MYH3: variants seen among roughly 807,000 people sequenced by gnomAD.
The protein encoded by MYH3 is myosin-3.
A neutral mutation model predicts 238.0 loss-of-function variants in MYH3; 130 were observed. That is an observed-to-expected ratio of 0.55 (90% CI 0.47 to 0.63). The LOEUF (loss-of-function observed/expected upper bound fraction) is 0.63, where lower values mean the gene tolerates loss of function less well. MYH3 is among the 30% of genes least tolerant of loss of function. The pLI, the probability that MYH3 is intolerant of heterozygous loss-of-function variation, is 0.00. For missense variants in MYH3, 1,853 were observed against 2,374.9 expected (o/e 0.78, Z 4.57); for synonymous variants, 880 against 924.1 (o/e 0.95, Z 0.86).
chr17:10,655,163 T>C, intron 2 of MYH3, 91 bp from the exon 3 acceptor site: 1 of 1,047,860 alleles, frequency 9.5e-7, no homozygotes, highest in Non-Finnish European at 1.5e-6. Flanking sequence ...CCTGCCCTCC[T>C]TCAGCCGCAG....
the MYH3 span, among the ~76,000 whole-genome samples, chr17:10,671,701 T>TC: frequency 6.7e-6 from 1 of 149,690 alleles, no homozygotes; most frequent in East Asian, 2.1e-4. Context: ...TGCCTCAGCC[T>TC]CCTGAGTAGC....
In MYH3 at chr17:10,648,665, G is replaced by A. The variant is rs376309029; in HGVS notation, c.643-16C>T. The A allele has an allele frequency of 1.9e-6, 3 of 1,586,562 alleles. No individual in the cohort carries two copies. Among genetic ancestry groups the A allele is most frequent in the African/African-American group, 2.7e-5 (2 of 73,182 alleles). ...CCAGAGTCCCCTAATGCAAGAAATT[G>A]AGGGAAGAAGAGGAAACATTTTTTT... On this transcript the variant is annotated splice_polypyrimidine_tract_variant and intron_variant, in intron 7 of 40. Transcript: ENST00000583535.
the MYH3 span, chr17:10,678,374 C>T: frequency 6.6e-6 from 1 of 152,202 alleles, no homozygotes; most frequent in Non-Finnish European, 1.5e-5. Flanking sequence ...CCCTTCCCCA[C>T]TTCTAACATT....
Position 10,647,625 on chromosome 17 carries a change from AC to A in MYH3, c.736-200del, listed in dbSNP as rs1476056572. Reference sequence around the variant, plus strand: ...AGTGGCGTGATCTCGGCTCACTGCAACCTCTGCCTCCCGGGTTCAAGTGATT... The same window carrying A: ...AGTGGCGTGATCTCGGCTCACTGCAACTCTGCCTCCCGGGTTCAAGTGATT... On this transcript the variant is annotated intron_variant, in intron 8 of 40. Transcript: ENST00000583535. Among the ~76,000 whole-genome samples the A allele has an allele frequency of 3.3e-5, 5 of 152,104 alleles. No individual in the cohort carries two copies. In the South Asian group the frequency reaches 8.3e-4, roughly 25 times the overall value.
chr17:10,642,554 G>A lies in MYH3; in HGVS notation c.1751C>T (p.Ala584Val). The change falls in exon 16 of 41, where the codon GCG becomes GTG. Residue 584 changes from alanine (A) to valine (V), a missense_variant. By Grantham distance (64) the Ala-to-Val change is moderately conservative. This residue lies in a region of MYH3 where 678 missense variants were observed against 1,058.9 expected (regional missense o/e 0.64). Transcript: ENST00000583535. The surrounding 1 kb of genome is among the most constrained non-coding windows in gnomAD (Gnocchi z 5.4). ...TGAGACACTGTAGTCCACGGTGCCC[G>A]CATAGTGGATCAGTGAGAAGTGAGC... The part of the protein sequence containing the change: ...AEAHFSLIHY[A>V]GTVDYSVSGW... 1.2e-6 allele frequency: 2 copies of A among 1,614,184 alleles called. No individual in the cohort carries two copies. The highest frequency in any genetic ancestry group is 1.7e-6 in the Non-Finnish European group (2 of 1,180,038).
At chr17:10,637,439 G>C (rs2074226036) in intron 28 of MYH3, among the ~76,000 whole-genome samples, 1 of 152,144 alleles carries the variant, frequency 6.6e-6, no homozygotes, top group Admixed American at 6.5e-5. Context: ...CTTGGACGCA[G>C]ACAATGAATA....
upstream of MYH3, among the ~76,000 whole-genome samples, chr17:10,660,073 C>G (rs1485997356): frequency 6.6e-6 from 1 of 152,210 alleles, no homozygotes; most frequent in Non-Finnish European, 1.5e-5. Flanking sequence ...CCGGCTTGCC[C>G]GCTTGCACAC....
chr17:10,673,345 T>C, the MYH3 span: 2 of 130,622 alleles, frequency 1.5e-5, no homozygotes, highest in East Asian at 4.7e-4. Context: ...TATTCCGCAA[T>C]GTTGACGTCG....
At chr17:10,632,875 G>A in intron 33 of MYH3, 91 bp from the exon 34 acceptor site, 2 of 1,316,116 alleles carry the variant, frequency 1.5e-6, no homozygotes, top group Non-Finnish European at 2.2e-6. Context: ...CAATGGAATA[G>A]TCCTAAATCT....
intron 40 of MYH3, 98 bp downstream of exon 40, chr17:10,629,499 A>T: frequency 6.6e-7 from 1 of 1,506,222 alleles, no homozygotes; most frequent in Non-Finnish European, 9.1e-7. Flanking sequence ...TGAGCCTGAG[A>T]CTCCCCAGCT....
At chr17:10,650,291 A>T in intron 6 of MYH3, 83 bp downstream of exon 6, 1 of 1,423,034 alleles carries the variant, frequency 7.0e-7, no homozygotes, top group Non-Finnish European at 9.9e-7. Context: ...TTTTTATTAT[A>T]GACTCTGCTC....
At chr17:10,648,710 T>A in intron 7 of MYH3, 61 bp from the exon 8 acceptor site, 1 of 1,425,758 alleles carries the variant, frequency 7.0e-7, no homozygotes, top group South Asian at 1.1e-5. Flanking sequence ...AGTTACACTC[T>A]TGTTGCCCAG....
At chr17:10,671,680 T>C in the MYH3 span, among the ~76,000 whole-genome samples, 5 of 149,090 alleles carry the variant, frequency 3.4e-5, no homozygotes, top group East Asian at 2.1e-4. Flanking sequence ...CCCGGGTTCA[T>C]GCCATTCTCC....
Position 10,639,104 on chromosome 17 carries a change from G to A in MYH3, c.3188C>T (p.Ala1063Val). 1 of 1,614,166 alleles carries A rather than the reference G, an allele frequency of 6.2e-7. No homozygotes were observed. Among genetic ancestry groups the A allele is most frequent in the Non-Finnish European group, 8.5e-7 (1 of 1,180,008 alleles). ...CTCCAGATCTAATATGGACTCTTGA[G>A]CAAGCTTCAAGTCTCCTTCCAATTT... Reference protein sequence around the residue: ...KRKLEGDLKLAQESILDLEND... With the variant: ...KRKLEGDLKLVQESILDLEND... Residue 1063 changes from alanine (A) to valine (V), a missense_variant, in exon 25 of 41, where the codon GCT becomes GTT. By Grantham distance (64) the Ala-to-Val change is moderately conservative. Transcript: ENST00000583535.
the MYH3 span, among the ~76,000 whole-genome samples, chr17:10,670,963 C>T: frequency 2.6e-5 from 4 of 152,142 alleles, no homozygotes; most frequent in African/African-American, 7.2e-5. This position sits in a 1 kb window ranked among gnomAD's most constrained non-coding sequence, Gnocchi z 7.0. Context: ...GATCTTGGCT[C>T]ACTGCAACCT....
rs1322342354 is a variant in MYH3 at position 10,640,329 on chromosome 17, G to A, written c.2426+4C>T. ...CTCATGTCTGAACAAAGACCCTGCT[G>A]GACCTCCTCTGCACCATCTTCTGGA... On this transcript the variant is annotated splice_donor_region_variant and intron_variant, in intron 21 of 40. Transcript: ENST00000583535. The A allele has an allele frequency of 5.6e-6, 9 of 1,614,084 alleles. No individual in the cohort carries two copies. The South Asian group carries it at 8.8e-5, about 16-fold the overall frequency.
At chr17:10,660,397 C>T (rs569830119), upstream of MYH3, among the ~76,000 whole-genome samples, 53 of 152,268 alleles carry the variant, frequency 3.5e-4, no homozygotes, top group African/African-American at 1.2e-3. Flanking sequence ...AGTTTCTGGC[C>T]GGGCGCGGTG....
chr17:10,647,000 T>C (rs1665378590), intron 10 of MYH3, among the ~76,000 whole-genome samples, 182 bp downstream of exon 10: 1 of 152,176 alleles, frequency 6.6e-6, no homozygotes, highest in South Asian at 2.1e-4. Flanking sequence ...AAGTGAGCTG[T>C]GCTTGTGCCA....
chr17:10,629,248 C>T (rs992915971), intron 40 of MYH3, among the ~76,000 whole-genome samples: 3 of 151,992 alleles, frequency 2.0e-5, no homozygotes, highest in African/African-American at 7.3e-5. Context: ...TCTCACTGTT[C>T]AACTCCCACT....
Sources: allele counts gnomAD v4.1 joint callset (sites outside exome capture counted in the v4.1 genomes callset), GRCh38; gene constraint gnomAD v4.1.1; regional missense constraint gnomAD v4.1.1; non-coding constraint Gnocchi (gnomAD v3.1); transcripts MANE v1.5; gene names NCBI Gene and HGNC (gene_info 2026-07-23, HGNC 2026-07-21).